The following SUPT3H variants were observed in gnomAD, a reference collection of about 807,000 sequenced individuals.
SUPT3H encodes SPT3 homolog, SAGA and STAGA complex component, also known as transcription initiation protein SPT3 homolog.
SUPT3H carries 44 observed loss-of-function variants against 44.3 expected under a neutral mutation model. The ratio of observed to expected loss-of-function variants is 0.99; its 90% CI spans 0.78 to 1.28. The LOEUF (loss-of-function observed/expected upper bound fraction) is 1.28, where lower values mean the gene tolerates loss of function less well. SUPT3H is among the 50% of genes most tolerant of loss of function. SUPT3H has a pLI of 0.00. For synonymous variants in SUPT3H, 124 were observed against 125.6 expected, an observed-to-expected ratio of 0.99 and a Z score of 0.09; for missense variants, 380 against 387.1, an observed-to-expected ratio of 0.98 and a Z score of 0.15.
chr6:45,160,332 G>C (rs772841459), intron 2 of SUPT3H, among the ~76,000 whole-genome samples: 4 of 152,114 alleles, frequency 2.6e-5, no homozygotes, highest in Non-Finnish European at 5.9e-5. Context: ...CACAGTAGTC[G>C]TATAACAGTA....
At chr6:45,294,760 A>C (rs959416463) in intron 2 of SUPT3H, among the ~76,000 whole-genome samples, 156 of 135,588 alleles carry the variant, frequency 1.2e-3, no homozygotes, top group African/African-American at 3.8e-3. Context: ...AAAAAAAAAA[A>C]AAACAACTTA....
At chr6:45,063,374 A>G (rs1442712358) in intron 3 of SUPT3H, among the ~76,000 whole-genome samples, 1 of 151,452 alleles carries the variant, frequency 6.6e-6, no homozygotes, top group Admixed American at 6.6e-5. Flanking sequence ...AACAGAACAG[A>G]AACTGGAAAC....
chr6:45,177,341 A>C (rs527791234), intron 2 of SUPT3H, among the ~76,000 whole-genome samples: 108 of 152,342 alleles, frequency 7.1e-4, no homozygotes, highest in African/African-American at 2.6e-3. Flanking sequence ...GAAATGAATG[A>C]AATGAAGTGA....
intron 10 of SUPT3H, among the ~76,000 whole-genome samples, chr6:44,881,878 C>A (rs111440391): frequency 0.025 from 3,750 of 152,150 alleles, 169 homozygotes; most frequent in African/African-American, 0.085. Context: ...TGGGACACAG[C>A]TAAAGCAGTG....
chr6:44,961,294 G>A (rs1156681511), intron 7 of SUPT3H, among the ~76,000 whole-genome samples: 1 of 152,148 alleles, frequency 6.6e-6, no homozygotes, highest in Non-Finnish European at 1.5e-5. Context: ...AGACAAAAAT[G>A]GAAGAGACCA....
At chr6:44,926,459 T>C (rs1264327040) in intron 10 of SUPT3H, among the ~76,000 whole-genome samples, 1 of 152,108 alleles carries the variant, frequency 6.6e-6, no homozygotes, top group Non-Finnish European at 1.5e-5. Context: ...TCATGACTGA[T>C]AAATGTCTTA....
Position 45,212,294 on chromosome 6 carries a change from T to A in SUPT3H, c.102-106288A>T, listed in dbSNP as rs1764225269. On this transcript the variant is annotated intron_variant, in intron 2 of 10. Coordinates refer to ENST00000371459, the MANE Select transcript of SUPT3H (RefSeq NM_003599.4). Reference sequence around the variant, plus strand: ...ACTTGGTTGTTCTTCCCCGAACTTTTAATATAACTTTTAGGGTTGGAATTT... The same window carrying A: ...ACTTGGTTGTTCTTCCCCGAACTTTAAATATAACTTTTAGGGTTGGAATTT... Among the ~76,000 whole-genome samples the A allele has an allele frequency of 2.0e-5, 3 of 152,244 alleles. 1 individual carries two copies. The South Asian group carries it at 6.2e-4, about 32-fold the overall frequency.
Position 44,872,617 on chromosome 6 carries a change from C to G in SUPT3H, c.913-42760G>C, listed in dbSNP as rs550040516. On this transcript the variant is annotated intron_variant, in intron 10 of 10. Coordinates refer to ENST00000371459, the MANE Select transcript of SUPT3H (RefSeq NM_003599.4). ...AACGAGCAAAACCACCAGCTAACAT[C>G]ATAATGACAGGATCAAATTCAAACA... 3.5e-3 allele frequency among the ~76,000 whole-genome samples: 520 copies of G among 148,102 alleles called. 1 individual carries two copies. The highest frequency in any genetic ancestry group is 0.012 in the African/African-American group (495 of 40,356).
At chr6:45,129,943 T>C (rs560116857) in intron 2 of SUPT3H, among the ~76,000 whole-genome samples, 1 of 152,224 alleles carries the variant, frequency 6.6e-6, no homozygotes, top group African/African-American at 2.4e-5. Flanking sequence ...GGCGTAATGA[T>C]TGGTAAAAGC....
intron 6 of SUPT3H, among the ~76,000 whole-genome samples, chr6:44,986,804 G>A (rs1284879396): frequency 6.6e-6 from 1 of 151,946 alleles, no homozygotes; most frequent in East Asian, 1.9e-4. Context: ...TGAAGCTCTT[G>A]TCTCCTGGAG....
intron 2 of SUPT3H, among the ~76,000 whole-genome samples, chr6:45,341,366 T>C (rs2150134478): frequency 6.6e-6 from 1 of 152,294 alleles, no homozygotes; most frequent in South Asian, 2.1e-4. Flanking sequence ...TGTTTGGGGA[T>C]CTATGAATCT....
chr6:44,863,608 G>C (rs533093008), intron 10 of SUPT3H, among the ~76,000 whole-genome samples: 1 of 152,130 alleles, frequency 6.6e-6, no homozygotes, highest in Non-Finnish European at 1.5e-5. Flanking sequence ...AGAGGTCAGG[G>C]TGGCTGCAGC....
At chr6:45,323,857 TAC>T (rs1785930886) in intron 2 of SUPT3H, among the ~76,000 whole-genome samples, 1 of 152,128 alleles carries the variant, frequency 6.6e-6, no homozygotes, top group African/African-American at 2.4e-5. Context: ...TATAATGTCC[TAC>T]AGTTTCATTT....
At chr6:44,938,184 T>C (rs1771805417) in intron 9 of SUPT3H, among the ~76,000 whole-genome samples, 2 of 152,006 alleles carry the variant, frequency 1.3e-5, no homozygotes, top group Admixed American at 1.3e-4. Flanking sequence ...CAGGTTTACT[T>C]TGAGTATCTT....
At chr6:45,227,730 T>C (rs1767201496) in intron 2 of SUPT3H, among the ~76,000 whole-genome samples, 1 of 151,910 alleles carries the variant, frequency 6.6e-6, no homozygotes, top group Non-Finnish European at 1.5e-5. Context: ...GATTCAAAGG[T>C]AGAGAATAAT....
chr6:45,316,366 G>A (rs1046475325), intron 2 of SUPT3H, among the ~76,000 whole-genome samples: 4 of 151,482 alleles, frequency 2.6e-5, no homozygotes, highest in South Asian at 2.1e-4. Flanking sequence ...ATGAATCAGG[G>A]GGATGTCTAT....
chr6:45,228,911 A>G (rs1161511025), intron 2 of SUPT3H, among the ~76,000 whole-genome samples: 1 of 152,162 alleles, frequency 6.6e-6, no homozygotes, highest in Non-Finnish European at 1.5e-5. Flanking sequence ...AAGTGCTGGG[A>G]TTACAGGCAT....
rs762436364 is a variant in SUPT3H, at chr6:45,023,856, A to G, written c.187-3224T>C. ...AATCTGTATAACAAACCCCAGTGAC[A>G]TGAGTTTACCTATGTAACAAACCTT... is the stretch of plus-strand genomic sequence containing the variant. On this transcript the variant is annotated intron_variant, in intron 3 of 10. Coordinates refer to ENST00000371459, the MANE Select transcript of SUPT3H (RefSeq NM_003599.4). Among the ~76,000 whole-genome samples the G allele has an allele frequency of 2.0e-4, 31 of 152,288 alleles. 1 individual carries two copies. The highest frequency in any genetic ancestry group is 7.2e-4 in the Admixed American group (11 of 15,282).
At chr6:44,986,260 C>T (rs966704433) in intron 6 of SUPT3H, among the ~76,000 whole-genome samples, 1 of 152,166 alleles carries the variant, frequency 6.6e-6, no homozygotes, top group Non-Finnish European at 1.5e-5. Context: ...GTACTTTTCA[C>T]TTTGTAACTG....
Sources: gnomAD v4.1 joint callset for allele counts (sites outside exome capture counted in the v4.1 genomes callset) on GRCh38, gnomAD v4.1.1 for gene constraint, MANE v1.5 for transcripts, NCBI Gene and HGNC (gene_info 2026-07-23, HGNC 2026-07-21) for gene names.